Variants in CD28 observed in about 807,000 individuals in gnomAD.
CD28 encodes T-cell-specific surface glycoprotein CD28.
CD28 carries 8 observed loss-of-function variants against 21.4 expected under a neutral mutation model. That is an observed-to-expected ratio of 0.37 (90% confidence interval 0.22 to 0.68). The LOEUF (loss-of-function observed/expected upper bound fraction) is 0.68. Ranked by LOEUF, CD28 falls within the 30% of genes least tolerant of loss-of-function variation. The pLI is 0.55. For synonymous variants in CD28, 106 were observed against 104.0 expected, an observed-to-expected ratio of 1.02 and a Z score of -0.12; for missense variants, 239 against 272.2, an observed-to-expected ratio of 0.88 and a Z score of 0.86.
At chr2:203,723,619 G>A (rs1367686384) in intron 1 of CD28, among the ~76,000 whole-genome samples, 1 of 152,128 alleles carries the variant, frequency 6.6e-6, no homozygotes, top group Non-Finnish European at 1.5e-5. Flanking sequence ...ATAGACCAAT[G>A]GCTAATAAGC....
Position 203,721,868 on chromosome 2 carries a change from C to T in CD28, c.53-4765C>T, listed in dbSNP as rs10196383. ...CCATGTGCATCTTAGGAACATGTCA[C>T]ACCCTGAGTTAGACAGGACATATTC... On this transcript the variant is annotated intron_variant, in intron 1 of 3. Transcript: ENST00000324106. Among the ~76,000 whole-genome samples the T allele has an allele frequency of 4.5e-3, 685 of 152,256 alleles. 5 individuals carry two copies. The highest frequency in any genetic ancestry group is 0.015 in the African/African-American group (641 of 41,558).
intron 1 of CD28, among the ~76,000 whole-genome samples, chr2:203,719,528 A>G (rs1049415436): frequency 6.6e-6 from 1 of 152,174 alleles, no homozygotes; most frequent in Admixed American, 6.5e-5. Context: ...TGAAATTTTG[A>G]TGCAACATGG....
chr2:203,706,696 G>T lies in CD28; in HGVS notation c.-1G>T, dbSNP rs767439871. 3.1e-6 allele frequency: 5 copies of T among 1,614,132 alleles called. No individual in the cohort carries two copies. The South Asian group carries it at 5.5e-5, about 18-fold the overall frequency. ...AACCCTAGCCCATCGTCAGGACAAA[G>T]ATGCTCAGGCTGCTCTTGGCTCTCA... is the stretch of plus-strand genomic sequence containing the variant. On this transcript the variant is annotated 5_prime_UTR_variant, in exon 1 of 4. Transcript: ENST00000324106.
At chr2:203,729,515 A>G in intron 2 of CD28, 133 bp from the exon 3 acceptor site, 1 of 937,348 alleles carries the variant, frequency 1.1e-6, no homozygotes, top group Non-Finnish European at 1.6e-6. Flanking sequence ...CAAAGAGGAA[A>G]TCTATTCACT....
chr2:203,715,912 C>T (rs1007201413), intron 1 of CD28, among the ~76,000 whole-genome samples: 2 of 152,162 alleles, frequency 1.3e-5, no homozygotes, highest in Non-Finnish European at 2.9e-5. Flanking sequence ...GCCTTATGAA[C>T]TCACATCAGT....
chr2:203,725,907 TAAAAAC>T (rs1259348091), intron 1 of CD28, among the ~76,000 whole-genome samples: 2 of 152,166 alleles, frequency 1.3e-5, no homozygotes, highest in Non-Finnish European at 2.9e-5. Flanking sequence ...TATCACAACT[TAAAAAC>T]AAATCTATTT....
intron 1 of CD28, among the ~76,000 whole-genome samples, chr2:203,707,769 C>T (rs948051831): frequency 6.6e-6 from 1 of 152,158 alleles, no homozygotes; most frequent in African/African-American, 2.4e-5. Flanking sequence ...GGGTCTGAAC[C>T]ACCTTAGTCT....
chr2:203,719,055 A>C (rs1693538757), intron 1 of CD28, among the ~76,000 whole-genome samples: 1 of 152,222 alleles, frequency 6.6e-6, no homozygotes, highest in Admixed American at 6.5e-5. Context: ...CATTAGAGGC[A>C]AAAAATTTGG....
rs1332317340 is a variant in CD28, at chr2:203,726,779, G to A, written c.199G>A (p.Val67Ile). ...ACTGGATAGTGCTGTGGAAGTCTGT[G>A]TTGTATATGGGAATTACTCCCAGCA... is the stretch of plus-strand genomic sequence containing the variant. ...KGLDSAVEVC[V>I]VYGNYSQQLQ... is the part of the protein sequence containing the mutation. Residue 67 changes from valine (V) to isoleucine (I), a missense_variant, in exon 2 of 4, where the codon GTT becomes ATT. Physicochemically the swap from Val to Ile is conservative, Grantham distance 29 (BLOSUM62 3). Transcript: ENST00000324106. 6.2e-7 allele frequency: 1 copy of A among 1,614,020 alleles called. No homozygotes were observed. The highest frequency in any genetic ancestry group is 8.5e-7 in the Non-Finnish European group (1 of 1,180,028).
chr2:203,729,628 C>A lies in CD28; in HGVS notation c.410-20C>A, dbSNP rs1462102458. The stretch of plus-strand genomic sequence containing the variant: ...ATTGCTATTCCTGTATCATTTAATC[C>A]ACTCTATTTTGTTTTTCAGGGAAAC... On this transcript the variant is annotated intron_variant, in intron 2 of 3. Coordinates refer to ENST00000324106, the MANE Select transcript of CD28 (RefSeq NM_006139.4). 4 of 1,608,428 alleles carry A rather than the reference C, an allele frequency of 2.5e-6. No homozygotes were observed. Among genetic ancestry groups the A allele is most frequent in the Non-Finnish European group, 3.4e-6 (4 of 1,177,594 alleles).
chr2:203,723,145 A>G (rs552084236), intron 1 of CD28, among the ~76,000 whole-genome samples: 43 of 152,338 alleles, frequency 2.8e-4, no homozygotes, highest in African/African-American at 9.9e-4. Flanking sequence ...ACCCAATTGA[A>G]TATTAGAATC....
At chr2:203,707,739 G>T (rs1693198620) in intron 1 of CD28, among the ~76,000 whole-genome samples, 1 of 152,176 alleles carries the variant, frequency 6.6e-6, no homozygotes, top group Non-Finnish European at 1.5e-5. Flanking sequence ...AGGATGTACA[G>T]GTGGCAGCTA....
chr2:203,718,777 T>C (rs1384085862), intron 1 of CD28, among the ~76,000 whole-genome samples: 1 of 152,228 alleles, frequency 6.6e-6, no homozygotes, highest in Non-Finnish European at 1.5e-5. Flanking sequence ...ACAAATGTAA[T>C]TCACAAAAGC....
chr2:203,732,504 T>C (rs1445981474), intron 3 of CD28, among the ~76,000 whole-genome samples: 1 of 152,226 alleles, frequency 6.6e-6, no homozygotes, highest in Non-Finnish European at 1.5e-5. Context: ...TAGTGTCTGC[T>C]TTTTATAATA....
At chr2:203,724,083 A>AT (rs1491289516) in intron 1 of CD28, among the ~76,000 whole-genome samples, 12 of 152,216 alleles carry the variant, frequency 7.9e-5, no homozygotes, top group African/African-American at 2.9e-4. Context: ...AACTTGAAAC[A>AT]TGGATGAAAC....
Position 203,734,909 on chromosome 2 carries a change from C to G in CD28, c.660C>G (p.Ser220=). The change falls in exon 4 of 4, where the codon TCC becomes TCG. Residue 220 remains serine, a synonymous_variant. Transcript: ENST00000324106. ...APPRDFAAYR[S] ...CACGCGACTTCGCAGCCTATCGCTC[C>G]TGACACGGACGCCTATCCAGAAGCC... 1.9e-6 allele frequency: 3 copies of G among 1,614,030 alleles called. No individual in the cohort carries two copies. Among genetic ancestry groups the G allele is most frequent in the Non-Finnish European group, 2.5e-6 (3 of 1,179,932 alleles).
intron 1 of CD28, among the ~76,000 whole-genome samples, chr2:203,721,791 C>T (rs1304832487): frequency 2.6e-5 from 4 of 152,096 alleles, no homozygotes; most frequent in Admixed American, 1.3e-4. Context: ...CATGAGCTGC[C>T]GTAGGACGGG....
intron 1 of CD28, among the ~76,000 whole-genome samples, chr2:203,717,102 C>T (rs949722664): frequency 7.9e-5 from 12 of 152,200 alleles, no homozygotes; most frequent in Non-Finnish European, 1.3e-4. Context: ...CTGTGTCATC[C>T]TCCCAAAGTG....
chr2:203,730,245 G>A (rs570231399), intron 3 of CD28, among the ~76,000 whole-genome samples: 5 of 152,250 alleles, frequency 3.3e-5, no homozygotes, highest in South Asian at 4.2e-4. Context: ...CTGTTTATCT[G>A]AGTCATATTT....
Sources: gnomAD v4.1 joint callset for allele counts (sites outside exome capture counted in the v4.1 genomes callset) on GRCh38, gnomAD v4.1.1 for gene constraint, MANE v1.5 for transcripts, NCBI Gene and HGNC (gene_info 2026-07-23, HGNC 2026-07-21) for gene names.